NEK1: variants seen among roughly 807,000 people sequenced by gnomAD.
NEK1 encodes serine/threonine-protein kinase Nek1.
In NEK1, 137 loss-of-function variants were observed where a neutral mutation model predicts 182.1. The ratio of observed to expected loss-of-function variants is 0.75; its 90% CI spans 0.65 to 0.87. The LOEUF (loss-of-function observed/expected upper bound fraction) is 0.87, where lower values mean the gene tolerates loss of function less well. Among genes scored for constraint, NEK1 ranks in the 40% least tolerant of loss-of-function variants. NEK1 has a pLI of 0.00. For missense variants in NEK1, 1,391 were observed against 1,494.4 expected (o/e 0.93, Z 1.14); for synonymous variants, 513 against 492.2 (o/e 1.04, Z -0.56).
chr4:169,424,402 CA>C, intron 31 of NEK1, 150 bp downstream of exon 31: 1 of 909,924 alleles, frequency 1.1e-6, no homozygotes, highest in Non-Finnish European at 1.5e-6. Flanking sequence ...CTCTCAATTG[CA>C]ATTTATTTGC....
intron 2 of NEK1, among the ~76,000 whole-genome samples, chr4:169,603,499 T>C (rs1016878231): frequency 2.0e-5 from 3 of 152,222 alleles, no homozygotes; most frequent in African/African-American, 7.2e-5. Context: ...AAAATGTGAA[T>C]AACCATAGTA....
At chr4:169,563,233 CACCTGTTG>C (rs1763196446) in intron 12 of NEK1, among the ~76,000 whole-genome samples, 1 of 151,906 alleles carries the variant, frequency 6.6e-6, no homozygotes, top group Admixed American at 6.6e-5. Flanking sequence ...ATGTGGCCCA[CACCTGTTG>C]TCCCAGCTAC....
rs1203581736 is a variant in NEK1, at chr4:169,515,523, C to CT, written c.1666-6672dup. Among the ~76,000 whole-genome samples the CT allele has an allele frequency of 4.2e-5, 6 of 142,840 alleles. No individual in the cohort carries two copies. The South Asian group carries it at 1.4e-3, about 32-fold the overall frequency. 93.7% of individuals were successfully genotyped at this position (142,840 alleles called of 152,430 possible). On this transcript the variant is annotated intron_variant, in intron 19 of 35. Coordinates refer to ENST00000507142, the MANE Select transcript of NEK1 (RefSeq NM_001199397.3). ...TTCTTTTTTTTTTTTTTATTATACT[C>CT]TAAGTTTTAGGGTACATGTGCACAT...
intron 18 of NEK1, among the ~76,000 whole-genome samples, chr4:169,544,918 TA>T (rs1003767512): frequency 4.6e-5 from 7 of 150,960 alleles, no homozygotes; most frequent in Non-Finnish European, 8.9e-5. Flanking sequence ...TGTTGATCTT[TA>T]AAAAAAAACC....
chr4:169,487,424 T>C (rs1449289285), intron 23 of NEK1, among the ~76,000 whole-genome samples: 1 of 152,246 alleles, frequency 6.6e-6, no homozygotes, highest in Non-Finnish European at 1.5e-5. Context: ...TTTGGTTTTC[T>C]GTTCCTGTGT....
chr4:169,508,285 T>G lies in NEK1; in HGVS notation c.1796A>C (p.Glu599Ala). The G allele has an allele frequency of 6.3e-7, 1 of 1,595,032 alleles. No individual in the cohort carries two copies. The highest frequency in any genetic ancestry group is 8.5e-7 in the Non-Finnish European group (1 of 1,171,152). ...LRQIRLQNFNERQQIKAKLRG... is the reference protein window; with the variant it reads ...LRQIRLQNFNARQQIKAKLRG... ...AAGTTTGGCTTTAATCTGTTGGCGC[T>G]CATTGAAATTCTGTAGTCTTATTTG... is the stretch of plus-strand genomic sequence containing the variant. The change falls in exon 21 of 36, where the codon GAG (glutamate) becomes GCG (alanine). Residue 599 changes from glutamate (E) to alanine (A), a missense_variant. Transcript: ENST00000507142.
intron 18 of NEK1, among the ~76,000 whole-genome samples, chr4:169,546,500 G>A (rs907258854): frequency 5.9e-5 from 9 of 152,086 alleles, no homozygotes; most frequent in Admixed American, 2.0e-4. Flanking sequence ...TATTAGGTCC[G>A]CTCAGTCCAG....
At chr4:169,440,044 C>T (rs1189693963) in intron 27 of NEK1, among the ~76,000 whole-genome samples, 1 of 151,634 alleles carries the variant, frequency 6.6e-6, no homozygotes. Context: ...GACAGCATTT[C>T]GCCATGTTGG....
intron 19 of NEK1, among the ~76,000 whole-genome samples, chr4:169,510,303 G>C (rs1389739668): frequency 3.9e-5 from 6 of 152,062 alleles, no homozygotes; most frequent in Non-Finnish European, 7.4e-5. Flanking sequence ...CTCTTACGCA[G>C]CAAAGCTACC....
At chr4:169,454,081 A>G (rs1742371520) in intron 27 of NEK1, among the ~76,000 whole-genome samples, 1 of 152,242 alleles carries the variant, frequency 6.6e-6, no homozygotes, top group Admixed American at 6.5e-5. Context: ...AAATGGGGAA[A>G]GGATTCCCTA....
At chr4:169,596,326 GC>G (rs1192145820) in intron 5 of NEK1, among the ~76,000 whole-genome samples, 3 of 152,048 alleles carry the variant, frequency 2.0e-5, no homozygotes, top group Non-Finnish European at 4.4e-5. Context: ...TAACATTCTT[GC>G]TGCACCTAAC....
intron 23 of NEK1, among the ~76,000 whole-genome samples, chr4:169,492,972 T>A (rs1005667499): frequency 6.6e-6 from 1 of 152,172 alleles, no homozygotes; most frequent in African/African-American, 2.4e-5. Context: ...CCAAAGTGCA[T>A]GATTGTGGAC....
At chr4:169,475,931 A>C (rs953622019) in intron 26 of NEK1, among the ~76,000 whole-genome samples, 1 of 152,144 alleles carries the variant, frequency 6.6e-6, no homozygotes, top group Non-Finnish European at 1.5e-5. Flanking sequence ...TAAAAAATTA[A>C]AGTAAAAAGA....
intron 10 of NEK1, among the ~76,000 whole-genome samples, chr4:169,585,031 T>G (rs1292746706): frequency 6.6e-6 from 1 of 152,104 alleles, no homozygotes. Flanking sequence ...AAAAAATTTT[T>G]TTTTAATATT....
intron 12 of NEK1, among the ~76,000 whole-genome samples, chr4:169,576,014 A>C (rs562702532): frequency 6.7e-6 from 1 of 150,350 alleles, no homozygotes; most frequent in African/African-American, 2.5e-5. Context: ...CCCAGGCTGT[A>C]GTGCAGTGGC....
At chr4:169,585,694 A>G (rs1195929090) in intron 9 of NEK1, 145 bp from the exon 10 acceptor site, 1 of 552,422 alleles carries the variant, frequency 1.8e-6, no homozygotes, top group African/African-American at 1.9e-5. Flanking sequence ...TTTCTAGAGC[A>G]AAGTTTACTT....
intron 27 of NEK1, among the ~76,000 whole-genome samples, chr4:169,438,574 G>C (rs1261210324): frequency 6.6e-6 from 1 of 152,068 alleles, no homozygotes. Context: ...GTAACTCCTA[G>C]TTACTTCTAA....
intron 27 of NEK1, among the ~76,000 whole-genome samples, chr4:169,443,051 T>TTTATC (rs1739793570): frequency 7.1e-6 from 1 of 141,686 alleles, no homozygotes; most frequent in African/African-American, 2.7e-5. Context: ...TAAAAATATT[T>TTTATC]TATCTATCTA....
intron 26 of NEK1, among the ~76,000 whole-genome samples, chr4:169,475,463 A>G (rs546499244): frequency 6.6e-6 from 1 of 152,332 alleles, no homozygotes; most frequent in East Asian, 1.9e-4. Flanking sequence ...ACTGAGTCCA[A>G]GTATTATAAC....
Sources: allele counts gnomAD v4.1 joint callset (sites outside exome capture counted in the v4.1 genomes callset), GRCh38; gene constraint gnomAD v4.1.1; transcripts MANE v1.5; gene names NCBI Gene and HGNC (gene_info 2026-07-23, HGNC 2026-07-21).